The following SPON2 variants were observed in gnomAD, a reference collection of about 807,000 sequenced individuals.
SPON2 encodes spondin 2, also known as spondin-2.
A neutral mutation model predicts 29.9 loss-of-function variants in SPON2; 32 were observed. The observed-to-expected ratio is 1.07, with a 90% CI of 0.81 to 1.44. SPON2 has a LOEUF of 1.44. Ranked by LOEUF, SPON2 falls within the 40% of genes most tolerant of loss-of-function variation. The pLI, the probability that SPON2 is intolerant of heterozygous loss-of-function variation, is 0.00. For synonymous variants in SPON2, 248 were observed against 209.1 expected (o/e 1.19, Z -1.61); for missense variants, 541 against 455.5 (o/e 1.19, Z -1.71).
In SPON2 at chr4:1,170,674, C is replaced by T. The variant is rs1727400819; in HGVS notation, c.637-98G>A. ...GGGCCACTGCCCAGCGTCCAGCGTG[C>T]CCTCTGCACCACTGTTGGGGACAGG... On this transcript the variant is annotated intron_variant, in intron 4 of 5. Transcript: ENST00000290902. The T allele has an allele frequency of 3.7e-6, 5 of 1,345,180 alleles. No homozygotes were observed. In the East Asian group the frequency reaches 1.2e-4, roughly 34 times the overall value. The allele number at this position is 1,345,180 out of a possible 1,614,324, so 83.3% of individuals were successfully genotyped here. A position where few individuals can be genotyped will look rare whatever the true frequency, so the allele number is the denominator to read the frequency against.
chr4:1,171,105 C>T lies in SPON2; in HGVS notation c.530G>A (p.Arg177Gln), dbSNP rs916082660. Residue 177 changes from arginine to glutamine, a missense_variant, in exon 4 of 6, where the codon CGG becomes CAG. Coordinates refer to ENST00000290902, the MANE Select transcript of SPON2 (RefSeq NM_012445.4). ...SLDLCDGDRW[R>Q]EQAALDLYPY... ...GTACAGGTCCAGCGCCGCCTGTTCC[C>T]GCCAACGGTCCCCGTCGCACAGGTC... 3.9e-6 allele frequency: 6 copies of T among 1,550,854 alleles called. No homozygotes were observed. Among genetic ancestry groups the T allele is most frequent in the African/African-American group, 2.7e-5 (2 of 73,098 alleles).
chr4:1,171,441 T>C lies in SPON2; in HGVS notation c.266A>G (p.Tyr89Cys). The change falls in exon 3 of 6, where the codon TAC becomes TGC. Residue 89 changes from tyrosine to cysteine, a missense_variant. Tyr to Cys is a radical substitution (Grantham distance 194). Transcript: ENST00000290902. ...AAAGTCGCGCAGCCCGTTACTGACGTACTGGTTCTTCCTCCACATGCTGTA... is the reference window on the plus strand; with the variant it reads ...AAAGTCGCGCAGCCCGTTACTGACGCACTGGTTCTTCCTCCACATGCTGTA... Reference protein sequence around the residue: ...SDYSMWRKNQYVSNGLRDFAE... With the variant: ...SDYSMWRKNQCVSNGLRDFAE... 2 of 1,612,230 alleles carry C rather than the reference T, an allele frequency of 1.2e-6. No individual in the cohort carries two copies. Among genetic ancestry groups the C allele is most frequent in the Non-Finnish European group, 1.7e-6 (2 of 1,179,762 alleles).
At position 1,172,136 on chromosome 4, in the gene SPON2, G is replaced by A. The variant is rs113017975; in HGVS notation, c.-3-62C>T. On this transcript the variant is annotated intron_variant, in intron 1 of 5. Coordinates refer to ENST00000290902, the MANE Select transcript of SPON2 (RefSeq NM_012445.4). ...CGTCGTGGCAGCCTCGGGGTGGAAA[G>A]CCGAGAGGGCTGCGGCACTTTGGGC... The A allele has an allele frequency of 9.0e-6, 13 of 1,446,662 alleles. 1 individual carries two copies. The African/African-American group carries it at 9.7e-5, about 11-fold the overall frequency. 89.6% of individuals were successfully genotyped at this position (1,446,662 alleles called of 1,614,324 possible). A position where few individuals can be genotyped will look rare whatever the true frequency, so the allele number is the denominator to read the frequency against.
intron 1 of SPON2, among the ~76,000 whole-genome samples, chr4:1,180,556 G>A (rs1727685516): frequency 6.6e-6 from 1 of 152,186 alleles, no homozygotes; most frequent in African/African-American, 2.4e-5. Flanking sequence ...AAGACAAGAT[G>A]CTGGATGTAC....
chr4:1,185,482 C>T (rs536637238), intron 1 of SPON2, among the ~76,000 whole-genome samples: 5 of 151,136 alleles, frequency 3.3e-5, no homozygotes, highest in South Asian at 2.1e-4. Context: ...CTGAGGCGAG[C>T]GGATCACCTG....
upstream of SPON2, among the ~76,000 whole-genome samples, chr4:1,197,924 C>T (rs1284449791): frequency 6.6e-6 from 1 of 151,820 alleles, no homozygotes; most frequent in Non-Finnish European, 1.5e-5. Context: ...GGTGCGTGCC[C>T]GTAGTCCCAG....
chr4:1,188,155 G>A (rs1157225820), intron 1 of SPON2, among the ~76,000 whole-genome samples: 3 of 134,332 alleles, frequency 2.2e-5, no homozygotes, highest in Non-Finnish European at 1.5e-5. Flanking sequence ...AGGTTGCAGT[G>A]AGCCAAGATC....
chr4:1,201,585 CT>C (rs762283392), intron 1 of SPON2: 928 of 146,370 alleles, frequency 6.3e-3, no homozygotes, highest in South Asian at 0.024. Context: ...CTGATGCTGA[CT>C]TTTTTTTTTT....
upstream of SPON2, chr4:1,199,654 T>C (rs893552487): frequency 2.6e-5 from 4 of 152,260 alleles, no homozygotes; most frequent in African/African-American, 7.2e-5. The surrounding 1 kb of genome is among the most constrained non-coding windows in gnomAD (Gnocchi z 4.5). Flanking sequence ...AATAGCTGGG[T>C]GTGCTGCTCT....
chr4:1,186,023 T>A (rs1334443149), intron 1 of SPON2, among the ~76,000 whole-genome samples: 1 of 149,770 alleles, frequency 6.7e-6, no homozygotes, highest in African/African-American at 2.4e-5. Flanking sequence ...GGCGGGCGGA[T>A]CACGAGGTCA....
chr4:1,197,905 G>A (rs556701261), upstream of SPON2, among the ~76,000 whole-genome samples: 16 of 152,140 alleles, frequency 1.1e-4, no homozygotes, highest in Non-Finnish European at 8.8e-5. Context: ...CAAATTAGCC[G>A]GGCATGGTGG....
intron 1 of SPON2, among the ~76,000 whole-genome samples, chr4:1,200,252 A>T (rs1269930846): frequency 6.6e-6 from 1 of 151,926 alleles, no homozygotes; most frequent in Admixed American, 6.6e-5. Flanking sequence ...TTCCTGGGTC[A>T]CCCCTCACTC....
chr4:1,202,421 C>T lies in SPON2; in HGVS notation c.-234+5459G>A, dbSNP rs1321232795. Reference sequence around the variant, plus strand: ...CAACCACGGCACTGCACGCCAGGCCCAGTACTCACCGCTCTCACATACAAA... The same window carrying T: ...CAACCACGGCACTGCACGCCAGGCCTAGTACTCACCGCTCTCACATACAAA... On this transcript the variant is annotated intron_variant, in intron 1 of 3. Coordinates refer to the SPON2 transcript ENST00000509233. This position sits in a 1 kb window ranked among gnomAD's most constrained non-coding sequence, Gnocchi z 5.4. 6.6e-6 allele frequency among the ~76,000 whole-genome samples: 1 copy of T among 152,232 alleles called. No individual in the cohort carries two copies. The highest frequency in any genetic ancestry group is 1.5e-5 in the Non-Finnish European group (1 of 68,038).
chr4:1,194,078 G>A (rs1727981334), intron 1 of SPON2, among the ~76,000 whole-genome samples: 2 of 152,180 alleles, frequency 1.3e-5, no homozygotes, highest in African/African-American at 4.8e-5. Flanking sequence ...CTTTGAAGTG[G>A]CCTTGCCAGA....
intron 5 of SPON2, chr4:1,170,182 G>A (rs932229623): frequency 1.8e-6 from 1 of 555,010 alleles, no homozygotes; most frequent in Non-Finnish European, 3.2e-6. Context: ...TTTCCTCTGG[G>A]CTGTGGCCCT....
upstream of SPON2, among the ~76,000 whole-genome samples, chr4:1,174,486 CA>C (rs59532169): frequency 0.72 from 67,611 of 94,412 alleles, 21,815 homozygotes; most frequent in South Asian, 0.84. Flanking sequence ...GACTCCATCT[CA>C]AAAAAAAAAA....
chr4:1,176,791 T>C (rs554327717), upstream of SPON2, among the ~76,000 whole-genome samples: 41 of 151,978 alleles, frequency 2.7e-4, no homozygotes, highest in Non-Finnish European at 2.5e-4. Context: ...CATCCATTCA[T>C]ACAGTACATT....
chr4:1,173,226 C>T (rs1727521259), upstream of SPON2: 2 of 152,690 alleles, frequency 1.3e-5, no homozygotes, highest in Admixed American at 1.3e-4. Flanking sequence ...GCCTTTGGGG[C>T]CCTGGCTTTA....
chr4:1,171,853 C>T lies in SPON2; in HGVS notation c.219G>A (p.Leu73=), dbSNP rs150653050. Residue 73 remains leucine, a splice_region_variant and synonymous_variant, in exon 2 of 6, where the codon CTG becomes CTA. Coordinates refer to ENST00000290902, the MANE Select transcript of SPON2 (RefSeq NM_012445.4). ...AGGCGAGGAGGGGGCTGTACTTACCCAGCAGCGAAGACCACTGCGCAGGGG... is the reference window on the plus strand; with the variant it reads ...AGGCGAGGAGGGGGCTGTACTTACCTAGCAGCGAAGACCACTGCGCAGGGG... ...FRPPAQWSSL[L]GAAHSSDYSM... 844 of 1,610,578 alleles carry T rather than the reference C, an allele frequency of 5.2e-4. 7 individuals carry two copies. The African/African-American group carries it at 9.3e-3, about 18-fold the overall frequency.
Sources: allele counts gnomAD v4.1 joint callset (sites outside exome capture counted in the v4.1 genomes callset), GRCh38; gene constraint gnomAD v4.1.1; non-coding constraint Gnocchi (gnomAD v3.1); transcripts MANE v1.5; gene names NCBI Gene and HGNC (gene_info 2026-07-23, HGNC 2026-07-21).